The following CCDC192 variants were observed in gnomAD, a reference collection of about 807,000 sequenced individuals.
The protein encoded by CCDC192 is coiled-coil domain-containing protein 192.
chr5:127,918,248 A>G (rs894923886), intron 6 of CCDC192, among the ~76,000 whole-genome samples: 2 of 150,750 alleles, frequency 1.3e-5, no homozygotes, highest in Non-Finnish European at 2.9e-5. Context: ...AGTATCTACA[A>G]AGTGCAATAA....
At chr5:127,758,208 C>T (rs1023736203) in intron 3 of CCDC192, among the ~76,000 whole-genome samples, 10 of 152,160 alleles carry the variant, frequency 6.6e-5, no homozygotes, top group African/African-American at 2.2e-4. Context: ...CTGCATTAAT[C>T]ATCTGTTGGT....
intron 6 of CCDC192, among the ~76,000 whole-genome samples, chr5:127,899,129 G>A (rs957945662): frequency 1.3e-5 from 2 of 152,202 alleles, no homozygotes; most frequent in East Asian, 1.9e-4. Flanking sequence ...CAGAGCAAAA[G>A]TTAGGAATTA....
At chr5:127,906,682 A>T (rs1277462070) in intron 6 of CCDC192, among the ~76,000 whole-genome samples, 1 of 152,114 alleles carries the variant, frequency 6.6e-6, no homozygotes, top group Non-Finnish European at 1.5e-5. Context: ...GCTACTTGGG[A>T]GGCTGAGGCA....
intron 6 of CCDC192, among the ~76,000 whole-genome samples, chr5:127,886,199 A>T (rs1471839789): frequency 2.0e-5 from 3 of 152,172 alleles, no homozygotes; most frequent in Non-Finnish European, 4.4e-5. Context: ...CTATCATCTG[A>T]ATCTGGGCAC....
At chr5:127,714,746 A>G (rs1170316836) in intron 2 of CCDC192, among the ~76,000 whole-genome samples, 4 of 152,166 alleles carry the variant, frequency 2.6e-5, no homozygotes, top group Admixed American at 6.5e-5. Flanking sequence ...ATTCTCACCA[A>G]CAATATATAA....
chr5:127,782,248 G>A lies in CCDC192; in HGVS notation c.223-14855G>A, dbSNP rs553708967. Reference sequence around the variant, plus strand: ...TTTTGTTAAGGATTTTAGCATCTATGTTCATCAGGGATATCGGTCTGTAGT... The same window carrying A: ...TTTTGTTAAGGATTTTAGCATCTATATTCATCAGGGATATCGGTCTGTAGT... On this transcript the variant is annotated intron_variant, in intron 3 of 6. Coordinates refer to ENST00000514853, the MANE Select transcript of CCDC192 (RefSeq NM_001317938.2). 9.3e-4 allele frequency among the ~76,000 whole-genome samples: 141 copies of A among 152,242 alleles called. 2 individuals are homozygous for A. The highest frequency in any genetic ancestry group is 3.2e-3 in the African/African-American group (135 of 41,552).
chr5:127,739,078 T>G (rs2126835182), intron 2 of CCDC192, among the ~76,000 whole-genome samples: 1 of 152,322 alleles, frequency 6.6e-6, no homozygotes, highest in East Asian at 1.9e-4. Flanking sequence ...CTTTTGATCT[T>G]TGATGATGGT....
At chr5:127,756,014 T>C (rs998962564) in intron 3 of CCDC192, among the ~76,000 whole-genome samples, 1 of 151,836 alleles carries the variant, frequency 6.6e-6, no homozygotes, top group East Asian at 1.9e-4. Context: ...GCACCTGTAG[T>C]CCCAGGTACT....
At chr5:127,804,848 C>T (rs746593101) in intron 5 of CCDC192, among the ~76,000 whole-genome samples, 23 of 152,118 alleles carry the variant, frequency 1.5e-4, no homozygotes, top group Non-Finnish European at 3.2e-4. Context: ...CTGCACTGTC[C>T]AGTGAAGCCC....
At chr5:127,768,789 A>T (rs1755382252) in intron 3 of CCDC192, among the ~76,000 whole-genome samples, 1 of 152,220 alleles carries the variant, frequency 6.6e-6, no homozygotes, top group African/African-American at 2.4e-5. Context: ...TTAACTCCTA[A>T]AATTGAAATG....
chr5:127,752,193 G>A (rs1451538934), intron 2 of CCDC192, among the ~76,000 whole-genome samples: 1 of 152,182 alleles, frequency 6.6e-6, no homozygotes, highest in Non-Finnish European at 1.5e-5. Context: ...GAGGCACTCT[G>A]ATTTTTAGTT....
upstream of CCDC192, chr5:127,703,300 G>A (rs1307319837): frequency 2.5e-6 from 1 of 393,864 alleles, no homozygotes; most frequent in African/African-American, 2.1e-5. Flanking sequence ...TTTTTTCTTT[G>A]GGAAGTTAAC....
At chr5:127,840,032 C>G (rs1013463764) in intron 5 of CCDC192, among the ~76,000 whole-genome samples, 3 of 152,060 alleles carry the variant, frequency 2.0e-5, no homozygotes, top group African/African-American at 4.8e-5. Context: ...CAAATGTGAG[C>G]CATTATTGCA....
intron 2 of CCDC192, among the ~76,000 whole-genome samples, chr5:127,738,785 C>T (rs200738138): frequency 6.6e-6 from 1 of 152,212 alleles, no homozygotes; most frequent in Non-Finnish European, 1.5e-5. Flanking sequence ...GCTCCATCAG[C>T]TTCTTTAAGC....
In CCDC192 at chr5:127,941,305, T is replaced by C. The variant is rs771977052; in HGVS notation, c.659T>C (p.Leu220Pro). ...CTTCAGACTGAGAGAATTACTCAGC[T>C]GAAAGAAGTTTTGGAGGAAAAGGAA... The part of the protein sequence containing the change: ...VSLQTERITQ[L>P]KEVLEEKERK... The change falls in exon 7 of 7, where the codon CTG (leucine) becomes CCG (proline). Residue 220 changes from leucine to proline, a missense_variant. Physicochemically the swap from Leu to Pro is moderately conservative, Grantham distance 98. Coordinates refer to ENST00000514853, the MANE Select transcript of CCDC192 (RefSeq NM_001317938.2). 2 of 398,910 alleles carry C rather than the reference T, an allele frequency of 5.0e-6. No homozygotes were observed. The allele number at this position is 398,910 out of a possible 1,614,324, so 24.7% of individuals were successfully genotyped here.
In CCDC192 at chr5:127,719,532, TAC is replaced by T. The variant is rs1751863426; in HGVS notation, c.114+11774_114+11775del. On this transcript the variant is annotated intron_variant, in intron 2 of 6. Coordinates refer to ENST00000514853, the MANE Select transcript of CCDC192 (RefSeq NM_001317938.2). Reference sequence around the variant, plus strand: ...ATATATATATATATATATACACACATACATATATATATATATATATATATATA... The same window carrying T: ...ATATATATATATATATATACACACATATATATATATATATATATATATATA... 1.4e-3 allele frequency among the ~76,000 whole-genome samples: 82 copies of T among 59,324 alleles called. 1 individual carries two copies. Among genetic ancestry groups the T allele is most frequent in the Middle Eastern group, 0.012 (1 of 82 alleles). 38.9% of individuals were successfully genotyped at this position (59,324 alleles called of 152,430 possible).
intron 3 of CCDC192, among the ~76,000 whole-genome samples, chr5:127,789,267 A>C (rs1756734566): frequency 6.6e-6 from 1 of 152,218 alleles, no homozygotes. Flanking sequence ...TGCTGAAGAC[A>C]ATCTGGTGAG....
intron 2 of CCDC192, among the ~76,000 whole-genome samples, chr5:127,714,715 A>C: frequency 6.6e-6 from 1 of 152,104 alleles, no homozygotes; most frequent in South Asian, 2.1e-4. Context: ...ACTCTTTTCC[A>C]CAGTGGTTGT....
chr5:127,890,905 T>G (rs1752713147), intron 6 of CCDC192, among the ~76,000 whole-genome samples: 1 of 152,232 alleles, frequency 6.6e-6, no homozygotes, highest in South Asian at 2.1e-4. Context: ...TTTGCATGGT[T>G]ATAGATCTCA....
Sources: allele counts gnomAD v4.1 joint callset (sites outside exome capture counted in the v4.1 genomes callset), GRCh38; gene constraint gnomAD v4.1.1; transcripts MANE v1.5; gene names NCBI Gene and HGNC (gene_info 2026-07-23, HGNC 2026-07-21).